The following AGMAT variants were observed in gnomAD, a reference collection of about 807,000 sequenced individuals.
AGMAT encodes guanidino acid hydrolase, mitochondrial.
A neutral mutation model predicts 29.3 loss-of-function variants in AGMAT; 37 were observed. The ratio of observed to expected loss-of-function variants is 1.26; its 90% CI spans 0.97 to 1.66. The LOEUF is 1.66. Among genes scored for constraint, AGMAT ranks in the 40% most tolerant of loss-of-function variants. The pLI, the probability that AGMAT is intolerant of heterozygous loss-of-function variation, is 0.00. For missense variants in AGMAT, 498 were observed against 497.8 expected (o/e 1.00, Z 0.00); for synonymous variants, 199 against 200.8 (o/e 0.99, Z 0.08).
Position 15,577,856 on chromosome 1 carries a change from C to G in AGMAT, c.729G>C (p.Arg243=), listed in dbSNP as rs745370110. 1.2e-6 allele frequency: 2 copies of G among 1,614,014 alleles called. No homozygotes were observed. The highest frequency in any genetic ancestry group is 2.2e-5 in the South Asian group (2 of 91,080). The change falls in exon 5 of 7, where the codon CGG becomes CGC. Residue 243 remains arginine, a synonymous_variant. Coordinates refer to ENST00000375826, the MANE Select transcript of AGMAT (RefSeq NM_024758.5). ...PYRYNRSQGF[R]VVLAEDCWMK... ...TCCAGCAGTCTTCAGCCAGGACTACCCGGAAGCCCTGCAGAGACAGGGACT... is the reference window on the plus strand; with the variant it reads ...TCCAGCAGTCTTCAGCCAGGACTACGCGGAAGCCCTGCAGAGACAGGGACT...
At chr1:15,577,341 G>A (rs1374066785) in intron 5 of AGMAT, among the ~76,000 whole-genome samples, 3 of 151,990 alleles carry the variant, frequency 2.0e-5, no homozygotes, top group East Asian at 2.0e-4. Flanking sequence ...TTGGGAAGCC[G>A]AGGTGAGTGG....
intron 5 of AGMAT, among the ~76,000 whole-genome samples, chr1:15,577,030 G>A (rs1287580395): frequency 2.6e-5 from 4 of 151,792 alleles, no homozygotes; most frequent in East Asian, 3.9e-4. Context: ...GATTATAGAC[G>A]TGAGCCACCG....
chr1:15,579,931 C>T (rs1639088885), intron 3 of AGMAT, among the ~76,000 whole-genome samples, 163 bp downstream of exon 3: 1 of 152,172 alleles, frequency 6.6e-6, no homozygotes, highest in Non-Finnish European at 1.5e-5. Context: ...CTTCTAGCTG[C>T]TGACTGACAG....
chr1:15,576,740 C>CTTTGTTTTTTTTTTTTTTTTTTT (rs1639044078), intron 5 of AGMAT, among the ~76,000 whole-genome samples: 1 of 35,796 alleles, frequency 2.8e-5, no homozygotes, highest in Non-Finnish European at 5.0e-5. Context: ...GTTTAGTGTT[C>CTTTGTTTTTTTTTTTTTTTTTTT]TTTTTTTTTT....
At position 15,583,485 on chromosome 1, in the gene AGMAT, G is replaced by A; in HGVS notation, c.273-90C>T. 1.0e-5 allele frequency: 13 copies of A among 1,256,416 alleles called. 1 individual carries two copies. In the South Asian group the frequency reaches 1.6e-4, roughly 15 times the overall value. The allele number at this position is 1,256,416 out of a possible 1,614,324, so 77.8% of individuals were successfully genotyped here. ...GGGCTTCTCAGCCTCAGCAATTTGG[G>A]GCCAGATGATTCCGTGTCGCGGCAT... On this transcript the variant is annotated intron_variant, in intron 1 of 6. Coordinates refer to ENST00000375826, the MANE Select transcript of AGMAT (RefSeq NM_024758.5).
intron 6 of AGMAT, among the ~76,000 whole-genome samples, chr1:15,574,004 TATC>T (rs1638997195): frequency 6.6e-6 from 1 of 152,222 alleles, no homozygotes; most frequent in South Asian, 2.1e-4. Context: ...TGTACTGTAT[TATC>T]TATCCTCTGA....
chr1:15,573,999 T>C (rs1399912649), intron 6 of AGMAT, among the ~76,000 whole-genome samples: 1 of 152,244 alleles, frequency 6.6e-6, no homozygotes, highest in African/African-American at 2.4e-5. Context: ...TGATGTGTAC[T>C]GTATTATCTA....
In AGMAT at chr1:15,577,802, T is replaced by C. The variant is rs370519006; in HGVS notation, c.783A>G (p.Glu261=). Residue 261 remains glutamate, a synonymous_variant, in exon 5 of 7, where the codon GAA becomes GAG. Coordinates refer to ENST00000375826, the MANE Select transcript of AGMAT (RefSeq NM_024758.5). ...GTTTGCCTCCCATCTGCTGCCTGAC[T>C]TCCCCCATCAGAGGAACCAGCGACT... ...WMKSLVPLMG[E]VRQQMGGKPI... is the part of the protein sequence containing the mutation. 2.1e-5 allele frequency: 34 copies of C among 1,614,152 alleles called. No individual in the cohort carries two copies. Among genetic ancestry groups the C allele is most frequent in the Non-Finnish European group, 2.9e-5 (34 of 1,180,018 alleles).
intron 3 of AGMAT, 69 bp downstream of exon 3, chr1:15,580,025 C>G (rs892085572): frequency 1.4e-6 from 2 of 1,459,898 alleles, no homozygotes; most frequent in Non-Finnish European, 1.9e-6. Context: ...TGCCACCAAA[C>G]AGCAAATAAC....
chr1:15,580,225 A>ATTTTTTTTTTTTTTTTTTTTTTTTTTTTT (rs1639094165), intron 2 of AGMAT, 83 bp from the exon 3 acceptor site: 1 of 737,058 alleles, frequency 1.4e-6, no homozygotes, highest in African/African-American at 4.7e-5. Context: ...TTTTTTTTTG[A>ATTTTTTTTTTTTTTTTTTTTTTTTTTTTT]GATGTAGTTT....
At chr1:15,578,797 G>A in intron 4 of AGMAT, 62 bp downstream of exon 4, 1 of 1,550,854 alleles carries the variant, frequency 6.4e-7, no homozygotes, top group South Asian at 1.2e-5. Context: ...GGCTGCCACT[G>A]GTGAGGCAAC....
At chr1:15,573,858 C>T (rs951534055) in intron 6 of AGMAT, 134 bp from the exon 7 acceptor site, 3 of 676,460 alleles carry the variant, frequency 4.4e-6, no homozygotes, top group Admixed American at 2.7e-5. Context: ...CTAGGGTGCC[C>T]GCCAGCTGTG....
intron 6 of AGMAT, 95 bp from the exon 7 acceptor site, chr1:15,573,819 T>A: frequency 9.1e-7 from 1 of 1,101,876 alleles, no homozygotes. Flanking sequence ...TTGTGCCTCC[T>A]TTTCCAGAGC....
chr1:15,576,911 G>A (rs182776735), intron 5 of AGMAT, among the ~76,000 whole-genome samples: 20 of 150,712 alleles, frequency 1.3e-4, no homozygotes, highest in African/African-American at 2.2e-4. Flanking sequence ...CACCGCGCCC[G>A]GCTAATTTTT....
At position 15,584,772 on chromosome 1, in the gene AGMAT, T is replaced by C; in HGVS notation, c.196A>G (p.Thr66Ala). Residue 66 changes from threonine (T) to alanine (A), a missense_variant, in exon 1 of 7, where the codon ACC becomes GCC. Thr to Ala is a moderately conservative substitution (Grantham distance 58). Transcript: ENST00000375826. ...VCSMMRLPVQ[T>A]SPEGLDAAFI... ...GCAGCGTCCAGCCCCTCGGGGGAGG[T>C]CTGCACCGGCAGGCGCATCATGGAG... 2.9e-6 allele frequency: 4 copies of C among 1,377,884 alleles called. No individual in the cohort carries two copies. The highest frequency in any genetic ancestry group is 3.8e-6 in the Non-Finnish European group (4 of 1,064,136). 85.4% of individuals were successfully genotyped at this position (1,377,884 alleles called of 1,614,324 possible). A position where few individuals can be genotyped will look rare whatever the true frequency, so the allele number is the denominator to read the frequency against.
chr1:15,575,073 C>A, intron 5 of AGMAT: 2 of 431,726 alleles, frequency 4.6e-6, no homozygotes, highest in Non-Finnish European at 8.6e-6. Flanking sequence ...GGAAACCAAT[C>A]GTTTCAATGT....
intron 6 of AGMAT, 22 bp downstream of exon 6, chr1:15,574,735 C>CT: frequency 6.2e-7 from 1 of 1,604,648 alleles, no homozygotes; most frequent in Non-Finnish European, 8.5e-7. Context: ...GCCCATGGAT[C>CT]TCAGTCTCTT....
At chr1:15,583,635 C>A (rs577849494) in intron 1 of AGMAT, among the ~76,000 whole-genome samples, 44 of 152,270 alleles carry the variant, frequency 2.9e-4, no homozygotes, top group African/African-American at 1.0e-3. Flanking sequence ...AGTGCAAAAC[C>A]GCCCCACTTG....
Position 15,577,822 on chromosome 1 carries a change from G to T in AGMAT, c.763C>A (p.Leu255Met). The change falls in exon 5 of 7, where the codon CTG becomes ATG. Residue 255 changes from leucine to methionine, a missense_variant. Transcript: ENST00000375826. Reference sequence around the variant, plus strand: ...CTGACTTCCCCCATCAGAGGAACCAGCGACTTCATCCAGCAGTCTTCAGCC... The same window carrying T: ...CTGACTTCCCCCATCAGAGGAACCATCGACTTCATCCAGCAGTCTTCAGCC... ...VLAEDCWMKS[L>M]VPLMGEVRQQ... The T allele has an allele frequency of 6.2e-7, 1 of 1,614,178 alleles. No homozygotes were observed. Among genetic ancestry groups the T allele is most frequent in the Non-Finnish European group, 8.5e-7 (1 of 1,180,024 alleles).
Sources: gnomAD v4.1 joint callset for allele counts (sites outside exome capture counted in the v4.1 genomes callset) on GRCh38, gnomAD v4.1.1 for gene constraint, MANE v1.5 for transcripts, NCBI Gene and HGNC (gene_info 2026-07-23, HGNC 2026-07-21) for gene names.